CAST: variants seen among roughly 807,000 people sequenced by gnomAD.
CAST encodes the protein MIR583 host.
CAST carries 76 observed loss-of-function variants against 119.6 expected under a neutral mutation model. The ratio of observed to expected loss-of-function variants is 0.64; its 90% CI spans 0.53 to 0.77. The LOEUF is 0.77. Among genes scored for constraint, CAST ranks in the 30% least tolerant of loss-of-function variants. The probability of loss-of-function intolerance (pLI) is 0.00; values close to 1 mark genes in which losing one functional copy is unlikely to be tolerated. For missense variants in CAST, 953 were observed against 946.5 expected, an observed-to-expected ratio of 1.01 and a Z score of -0.09; for synonymous variants, 319 against 331.6, an observed-to-expected ratio of 0.96 and a Z score of 0.41.
intron 25 of CAST, 142 bp from the exon 26 acceptor site, chr5:96,765,079 G>A: frequency 1.5e-6 from 1 of 645,544 alleles, no homozygotes; most frequent in Non-Finnish European, 2.8e-6. Context: ...CTCTGACCCT[G>A]TCTACTCCCC....
chr5:96,469,299 TGAGAGTCTA>T, the CAST span, among the ~76,000 whole-genome samples: 4 of 152,054 alleles, frequency 2.6e-5, no homozygotes, highest in Non-Finnish European at 4.4e-5. Context: ...AACTCTAATT[TGAGAGTCTA>T]GATGTTCAAA....
At chr5:96,220,573 G>A in the CAST span, among the ~76,000 whole-genome samples, 1 of 152,194 alleles carries the variant, frequency 6.6e-6, no homozygotes, top group African/African-American at 2.4e-5. Context: ...GTTAGTGACA[G>A]AGTCTGGCAT....
At chr5:96,397,660 C>T in the CAST span, among the ~76,000 whole-genome samples, 1 of 151,990 alleles carries the variant, frequency 6.6e-6, no homozygotes, top group Admixed American at 6.6e-5. Context: ...TAGCACATTG[C>T]CTGGCATATA....
chr5:96,516,733 C>G, the CAST span, among the ~76,000 whole-genome samples: 226 of 152,282 alleles, frequency 1.5e-3, 1 homozygote, highest in African/African-American at 5.2e-3. Flanking sequence ...CACGACTTGA[C>G]AAGTTATTTG....
intron 1 of CAST, among the ~76,000 whole-genome samples, chr5:96,642,074 T>C (rs918881188): frequency 7.2e-5 from 11 of 152,326 alleles, no homozygotes; most frequent in African/African-American, 2.2e-4. Context: ...TTTATCTTAC[T>C]CTCATTATCT....
the CAST span, among the ~76,000 whole-genome samples, chr5:96,478,693 A>G: frequency 6.6e-6 from 1 of 152,256 alleles, no homozygotes; most frequent in Non-Finnish European, 1.5e-5. Context: ...TGTTTCGAAC[A>G]TCTGAATTTC....
the CAST span, among the ~76,000 whole-genome samples, chr5:96,325,617 C>A: frequency 2.0e-5 from 3 of 151,902 alleles, no homozygotes; most frequent in African/African-American, 7.3e-5. Context: ...GTAGCTGGGA[C>A]TACAGGTGCA....
At chr5:96,193,190 G>C in the CAST span, among the ~76,000 whole-genome samples, 2 of 151,962 alleles carry the variant, frequency 1.3e-5, no homozygotes, top group Non-Finnish European at 2.9e-5. Context: ...CATTCTTAGA[G>C]GTCTGTGGAA....
chr5:96,769,495 T>G (rs1452089773), intron 29 of CAST: 1 of 152,030 alleles, frequency 6.6e-6, no homozygotes, highest in Non-Finnish European at 1.5e-5. Flanking sequence ...ATTTGAGGTT[T>G]ACAACATGGT....
the CAST span, among the ~76,000 whole-genome samples, chr5:96,238,554 ATT>A: frequency 1.4e-3 from 192 of 136,218 alleles, no homozygotes; most frequent in Middle Eastern, 3.7e-3. Flanking sequence ...CACCTGGCTA[ATT>A]TTTTTTTTTT....
chr5:96,146,242 C>T, the CAST span, among the ~76,000 whole-genome samples: 27 of 152,296 alleles, frequency 1.8e-4, no homozygotes, highest in African/African-American at 6.0e-4. Context: ...GGAATTTGAA[C>T]ATAAGTTGTC....
chr5:96,146,750 A>C, the CAST span, among the ~76,000 whole-genome samples: 1 of 152,148 alleles, frequency 6.6e-6, no homozygotes, highest in Non-Finnish European at 1.5e-5. Context: ...TCATTAGCTT[A>C]ACACAGCAAA....
At chr5:95,979,385 C>G in the CAST span, among the ~76,000 whole-genome samples, 1 of 152,138 alleles carries the variant, frequency 6.6e-6, no homozygotes, top group South Asian at 2.1e-4. Flanking sequence ...GCCTTCTCTT[C>G]AGTTACACAT....
the CAST span, among the ~76,000 whole-genome samples, chr5:96,187,367 T>C: frequency 6.6e-6 from 1 of 152,196 alleles, no homozygotes; most frequent in African/African-American, 2.4e-5. Context: ...TGATCTTGGT[T>C]ATTTCTTATC....
chr5:96,659,336 G>A (rs79613279), upstream of CAST, among the ~76,000 whole-genome samples: 6,293 of 152,252 alleles, frequency 0.041, 174 homozygotes, highest in Middle Eastern at 0.092. Flanking sequence ...TCTGTGAAAT[G>A]CAATAAAGCA....
chr5:96,186,092 A>T, the CAST span, among the ~76,000 whole-genome samples: 1 of 151,956 alleles, frequency 6.6e-6, no homozygotes, highest in Non-Finnish European at 1.5e-5. Flanking sequence ...ATTCATAGAT[A>T]TTTTATTCTT....
chr5:96,088,480 G>C, the CAST span, among the ~76,000 whole-genome samples: 1 of 152,174 alleles, frequency 6.6e-6, no homozygotes, highest in Non-Finnish European at 1.5e-5. Flanking sequence ...GGAGAGCTAA[G>C]ACAATGAGAG....
chr5:96,195,921 T>G, the CAST span, among the ~76,000 whole-genome samples: 56 of 152,326 alleles, frequency 3.7e-4, no homozygotes, highest in East Asian at 9.3e-3. Flanking sequence ...TCCTTTGTTA[T>G]TTTGAAATGA....
rs764217104 is a variant in CAST, at chr5:96,631,063, C to G, written c.61-44476C>G. The G allele has an allele frequency of 3.6e-5, 5 of 140,618 alleles. 2 individuals are homozygous for G. Among genetic ancestry groups the G allele is most frequent in the African/African-American group, 5.0e-5 (2 of 39,796 alleles). 8.7% of individuals were successfully genotyped at this position (140,618 alleles called of 1,614,324 possible). ...TTTCTTCATTGTCCATTCACAGGAG[C>G]CTTCCTTTCTTAAAGACTCAATGTA... On this transcript the variant is annotated intron_variant, in intron 1 of 11. Transcript: ENST00000505143.
Sources: gnomAD v4.1 joint callset for allele counts (sites outside exome capture counted in the v4.1 genomes callset) on GRCh38, gnomAD v4.1.1 for gene constraint, MANE v1.5 for transcripts, NCBI Gene and HGNC (gene_info 2026-07-23, HGNC 2026-07-21) for gene names.